PHKB: variants seen among roughly 807,000 people sequenced by gnomAD.
PHKB encodes phosphorylase kinase regulatory subunit beta, also known as phosphorylase b kinase regulatory subunit beta.
A neutral mutation model predicts 152.1 loss-of-function variants in PHKB; 122 were observed. The observed-to-expected ratio is 0.80, with a 90% CI of 0.69 to 0.93. The LOEUF is 0.93. Ranked by LOEUF, PHKB falls within the 40% of genes least tolerant of loss-of-function variation. The pLI, the probability that PHKB is intolerant of heterozygous loss-of-function variation, is 0.00. For synonymous variants in PHKB, 436 were observed against 464.9 expected (o/e 0.94, Z 0.80); for missense variants, 1,304 against 1,328.4 (o/e 0.98, Z 0.29).
chr16:47,684,691 C>T (rs989761095), intron 26 of PHKB, among the ~76,000 whole-genome samples: 6 of 151,766 alleles, frequency 4.0e-5, no homozygotes, highest in African/African-American at 1.2e-4. Context: ...GGCGTGAGCC[C>T]GGGAGGCAGA....
At chr16:47,558,229 T>C (rs1167516323) in intron 7 of PHKB, among the ~76,000 whole-genome samples, 2 of 118,468 alleles carry the variant, frequency 1.7e-5, no homozygotes, top group Non-Finnish European at 3.4e-5. Context: ...CTGGGGACTG[T>C]TGTGGGGTCG....
chr16:47,641,263 G>A (rs1034978716), intron 15 of PHKB, among the ~76,000 whole-genome samples, 173 bp downstream of exon 15: 16 of 152,064 alleles, frequency 1.1e-4, no homozygotes, highest in Admixed American at 6.6e-4. Flanking sequence ...TATTCTTTTC[G>A]TGTTTAAAAA....
intron 6 of PHKB, chr16:47,529,890 G>A (rs28482463): frequency 0.11 from 16,889 of 152,032 alleles, 1,974 homozygotes; most frequent in African/African-American, 0.3. Context: ...GGGAACATCC[G>A]TTAGTGTAAC....
chr16:47,679,547 T>G (rs1973807197), intron 26 of PHKB, among the ~76,000 whole-genome samples: 1 of 152,228 alleles, frequency 6.6e-6, no homozygotes. Context: ...GAATGGGAGT[T>G]CACTCATTAT....
intron 13 of PHKB, among the ~76,000 whole-genome samples, chr16:47,602,931 GTCTC>G (rs143245935): frequency 6.0e-5 from 9 of 149,884 alleles, no homozygotes; most frequent in Admixed American, 5.3e-4. Context: ...ACTTCTCTCT[GTCTC>G]TCTCTCTCTC....
intron 22 of PHKB, among the ~76,000 whole-genome samples, 161 bp from the exon 23 acceptor site, chr16:47,661,558 G>A (rs909030571): frequency 2.0e-5 from 3 of 152,074 alleles, no homozygotes; most frequent in Non-Finnish European, 4.4e-5. Flanking sequence ...GTTGTATAAT[G>A]TCATCTTATG....
intron 8 of PHKB, among the ~76,000 whole-genome samples, chr16:47,587,103 A>G (rs959236330): frequency 2.0e-5 from 3 of 152,206 alleles, no homozygotes; most frequent in Non-Finnish European, 4.4e-5. Flanking sequence ...AACAATATCT[A>G]CATACGGATG....
At position 47,660,638 on chromosome 16, in the gene PHKB, C is replaced by A. The variant is rs1226449834; in HGVS notation, c.2034-19C>A. On this transcript the variant is annotated intron_variant, in intron 21 of 30. Coordinates refer to ENST00000323584, the MANE Select transcript of PHKB (RefSeq NM_000293.3). ...ATTAGAAAAGCAGAAAATATGAAAC[C>A]TTTTCTTTTAATTTTTAGGCTTCCA... 29 of 1,612,952 alleles carry A rather than the reference C, an allele frequency of 1.8e-5. No homozygotes were observed. The highest frequency in any genetic ancestry group is 2.4e-5 in the Non-Finnish European group (28 of 1,179,288).
chr16:47,466,346 C>T (rs1969669081), intron 1 of PHKB, among the ~76,000 whole-genome samples: 1 of 152,082 alleles, frequency 6.6e-6, no homozygotes, highest in Admixed American at 6.5e-5. Flanking sequence ...AGATTGCTTC[C>T]GTTTCTCATG....
At chr16:47,507,238 G>A (rs1970435243) in intron 4 of PHKB, among the ~76,000 whole-genome samples, 1 of 152,016 alleles carries the variant, frequency 6.6e-6, no homozygotes, top group Middle Eastern at 3.2e-3. Context: ...GCCTCCCAAA[G>A]TGCAAGGGTT....
chr16:47,642,994 C>T (rs963450021), intron 16 of PHKB, among the ~76,000 whole-genome samples: 2 of 152,176 alleles, frequency 1.3e-5, no homozygotes, highest in African/African-American at 4.8e-5. Context: ...TGCTAATACA[C>T]TTTTATGCTC....
chr16:47,534,913 A>G (rs1343379789), intron 6 of PHKB, among the ~76,000 whole-genome samples: 2 of 152,230 alleles, frequency 1.3e-5, no homozygotes, highest in East Asian at 3.8e-4. Flanking sequence ...AAATTTATTG[A>G]GGTCATAAGA....
At chr16:47,658,535 C>T (rs985559212) in intron 20 of PHKB, among the ~76,000 whole-genome samples, 1 of 152,154 alleles carries the variant, frequency 6.6e-6, no homozygotes, top group East Asian at 1.9e-4. Context: ...TGATGGACCA[C>T]GTATACAATG....
intron 14 of PHKB, among the ~76,000 whole-genome samples, chr16:47,625,331 T>G (rs552479583): frequency 1.1e-3 from 167 of 152,378 alleles, no homozygotes; most frequent in African/African-American, 3.9e-3. Context: ...GTAGATTATA[T>G]TGAGTCTTTT....
At position 47,565,511 on chromosome 16, in the gene PHKB, G is replaced by A. The variant is rs139368636; in HGVS notation, c.711-14784G>A. 265 of 1,313,254 alleles carry A rather than the reference G, an allele frequency of 2.0e-4. 4 individuals are homozygous for A. The East Asian group carries it at 3.9e-3, about 19-fold the overall frequency. 81.4% of individuals were successfully genotyped at this position (1,313,254 alleles called of 1,614,324 possible). ...GGGGCTGGCATTACCTTTAGGGGCT[G>A]ATCAGGTTTGGGAGTTTTAGAAGTT... On this transcript the variant is annotated intron_variant, in intron 7 of 30. Transcript: ENST00000323584.
At chr16:47,563,841 C>T (rs1457688956) in intron 7 of PHKB, among the ~76,000 whole-genome samples, 1 of 152,016 alleles carries the variant, frequency 6.6e-6, no homozygotes, top group Non-Finnish European at 1.5e-5. Flanking sequence ...CTCCAGTGTC[C>T]CCTATACCAT....
Position 47,650,919 on chromosome 16 carries a change from C to A in PHKB, c.1969C>A (p.Gln657Lys), listed in dbSNP as rs34667348. 6,098 of 1,604,956 alleles carry A rather than the reference C, an allele frequency of 3.8e-3. 17 individuals are homozygous for A. The highest frequency in any genetic ancestry group is 4.9e-3 in the Non-Finnish European group (5,709 of 1,171,624). ...GGVKVHVDRL[Q>K]TLISGAVVEQ... ...AGTCAAAGTTCATGTGGATCGTCTACAGGTAGCCTTCTGATTTTCAGTATG... is the reference window on the plus strand; with the variant it reads ...AGTCAAAGTTCATGTGGATCGTCTAAAGGTAGCCTTCTGATTTTCAGTATG... The change falls in exon 20 of 31, where the codon CAG becomes AAG. Residue 657 changes from glutamine (Q) to lysine (K), a missense_variant and splice_region_variant. Physicochemically the swap from Gln to Lys is moderately conservative, Grantham distance 53. Coordinates refer to ENST00000323584, the MANE Select transcript of PHKB (RefSeq NM_000293.3).
At chr16:47,684,593 C>T (rs538579281) in intron 26 of PHKB, among the ~76,000 whole-genome samples, 2 of 152,042 alleles carry the variant, frequency 1.3e-5, no homozygotes, top group South Asian at 2.1e-4. Flanking sequence ...AGTGAAACCC[C>T]GTCTCTACTA....
intron 14 of PHKB, among the ~76,000 whole-genome samples, chr16:47,623,205 C>T (rs1972647548): frequency 6.6e-6 from 1 of 152,046 alleles, no homozygotes; most frequent in African/African-American, 2.4e-5. Context: ...AAATGTCTGA[C>T]ACATTATGCA....
Sources: gnomAD v4.1 joint callset for allele counts (sites outside exome capture counted in the v4.1 genomes callset) on GRCh38, gnomAD v4.1.1 for gene constraint, MANE v1.5 for transcripts, NCBI Gene and HGNC (gene_info 2026-07-23, HGNC 2026-07-21) for gene names.